Variants in FCHO1 observed in about 807,000 individuals in gnomAD.
FCHO1 encodes F-BAR domain only protein 1.
Under a neutral mutation model 114.4 loss-of-function variants are expected in FCHO1, and 45 were observed. The ratio of observed to expected loss-of-function variants is 0.39; its 90% CI spans 0.31 to 0.50. The LOEUF (loss-of-function observed/expected upper bound fraction) is 0.50, where lower values mean the gene tolerates loss of function less well. Ranked by LOEUF, FCHO1 falls within the 20% of genes least tolerant of loss-of-function variation. The pLI is 0.77. For synonymous variants in FCHO1, 480 were observed against 488.9 expected (o/e 0.98, Z 0.24); for missense variants, 1,042 against 1,209.6 (o/e 0.86, Z 2.06).
chr19:17,785,600 G>A (rs1436432360), intron 26 of FCHO1, among the ~76,000 whole-genome samples: 1 of 152,098 alleles, frequency 6.6e-6, no homozygotes, highest in Non-Finnish European at 1.5e-5. Flanking sequence ...TTGGGAGGCC[G>A]AGATGGGCAG....
Position 17,787,727 on chromosome 19 carries a change from G to A in FCHO1, c.2528G>A (p.Ser843Asn). The A allele has an allele frequency of 6.3e-7, 1 of 1,582,036 alleles. No individual in the cohort carries two copies. The highest frequency in any genetic ancestry group is 1.9e-5 in the Admixed American group (1 of 53,054). ...AGCTGGGAGCCGCTCTCAGGGCCCA[G>A]CACACCCAGCCCCGTGGCTGCACAG... is the stretch of plus-strand genomic sequence containing the variant. ...SASWEPLSGP[S>N]TPSPVAAQFT... Residue 843 changes from serine (S) to asparagine (N), a missense_variant, in exon 28 of 29, where the codon AGC becomes AAC. Ser to Asn is a conservative substitution (Grantham distance 46). Transcript: ENST00000596536.
At position 17,788,370 on chromosome 19, in the gene FCHO1, C is replaced by T; in HGVS notation, c.*64C>T. On this transcript the variant is annotated 3_prime_UTR_variant, in exon 29 of 29. Transcript: ENST00000596536. The stretch of plus-strand genomic sequence containing the variant: ...TGGTGCTGGCTGACCACCCCCTGCC[C>T]TCCTGCCGGACCCTGGGGCCTCCCA... The T allele has an allele frequency of 7.7e-7, 1 of 1,305,982 alleles. No homozygotes were observed. Among genetic ancestry groups the T allele is most frequent in the Non-Finnish European group, 1.1e-6 (1 of 912,200 alleles). The allele number at this position is 1,305,982 out of a possible 1,614,324, so 80.9% of individuals were successfully genotyped here.
At chr19:17,786,206 G>A (rs557951670) in intron 26 of FCHO1, among the ~76,000 whole-genome samples, 4 of 152,004 alleles carry the variant, frequency 2.6e-5, no homozygotes, top group South Asian at 4.2e-4. Flanking sequence ...GGTGGCGGGC[G>A]CCTGTAATCC....
intron 1 of FCHO1, among the ~76,000 whole-genome samples, chr19:17,752,736 CAA>C (rs760871627): frequency 1.8e-5 from 2 of 112,166 alleles, no homozygotes; most frequent in Non-Finnish European, 1.7e-5. Flanking sequence ...CTAGTCTCTA[CAA>C]AAAAAAAAAA....
chr19:17,778,040 A>G lies in FCHO1; in HGVS notation c.1260-97A>G, dbSNP rs1241477372. ...GCCGACAGAGCAAGACTCCGTCTCA[A>G]AAAAAAAAAAGACTGGGAACAGCAT... On this transcript the variant is annotated intron_variant, in intron 18 of 28. Transcript: ENST00000596536. 7.5e-6 allele frequency: 6 copies of G among 797,958 alleles called. No individual in the cohort carries two copies. In the Admixed American group the frequency reaches 1.5e-4, roughly 20 times the overall value. The allele number at this position is 797,958 out of a possible 1,614,324, so 49.4% of individuals were successfully genotyped here.
chr19:17,772,691 T>C lies in FCHO1; in HGVS notation c.740T>C (p.Met247Thr). The C allele has an allele frequency of 6.2e-7, 1 of 1,614,076 alleles. No homozygotes were observed. Among genetic ancestry groups the C allele is most frequent in the Non-Finnish European group, 8.5e-7 (1 of 1,180,018 alleles). The part of the protein sequence containing the change: ...KQNIENVSVE[M>T]LLRKFAESKG... Reference sequence around the variant, plus strand: ...AACATCGAGAACGTCAGCGTGGAGATGCTACTCAGGAAGTTTGCAGAGAGT... The same window carrying C: ...AACATCGAGAACGTCAGCGTGGAGACGCTACTCAGGAAGTTTGCAGAGAGT... The change falls in exon 11 of 29, where the codon ATG (methionine) becomes ACG (threonine). Residue 247 changes from methionine to threonine, a missense_variant. This residue lies in a region of FCHO1 where 450 missense variants were observed against 564.1 expected (regional missense o/e 0.80). Coordinates refer to ENST00000596536, the MANE Select transcript of FCHO1 (RefSeq NM_015122.3).
intron 4 of FCHO1, among the ~76,000 whole-genome samples, chr19:17,757,165 T>C (rs576311046): frequency 1.3e-4 from 18 of 138,266 alleles, no homozygotes; most frequent in African/African-American, 4.5e-4. Context: ...GCCTGGGTGA[T>C]GGAGTGAGAC....
At chr19:17,787,596 G>A in intron 27 of FCHO1, 86 bp from the exon 28 acceptor site, 1 of 1,420,964 alleles carries the variant, frequency 7.0e-7, no homozygotes, top group African/African-American at 1.4e-5. Flanking sequence ...AGAACAGAGG[G>A]CTTCAGGTGT....
chr19:17,788,465 C>A lies in FCHO1; in HGVS notation c.*159C>A. The A allele has an allele frequency of 1.7e-6, 1 of 598,584 alleles. No homozygotes were observed. The highest frequency in any genetic ancestry group is 2.1e-5 in the South Asian group (1 of 48,122). The allele number at this position is 598,584 out of a possible 1,614,324, so 37.1% of individuals were successfully genotyped here. A position where few individuals can be genotyped will look rare whatever the true frequency, so the allele number is the denominator to read the frequency against. On this transcript the variant is annotated 3_prime_UTR_variant, in exon 29 of 29. Transcript: ENST00000596536. ...GCCCAGCCTGGCTGAGCCCGAGATTCGCTCCTCCCCCTCATGCCAACCCCA... is the reference window on the plus strand; with the variant it reads ...GCCCAGCCTGGCTGAGCCCGAGATTAGCTCCTCCCCCTCATGCCAACCCCA...
chr19:17,768,689 G>T, intron 7 of FCHO1, among the ~76,000 whole-genome samples: 1 of 138,170 alleles, frequency 7.2e-6, no homozygotes, highest in African/African-American at 2.7e-5. Flanking sequence ...GTGAGACTCT[G>T]TCTCAAAAAC....
intron 6 of FCHO1, among the ~76,000 whole-genome samples, chr19:17,765,224 T>G: frequency 6.6e-6 from 1 of 152,078 alleles, no homozygotes; most frequent in East Asian, 1.9e-4. Flanking sequence ...GGCAAGTGGC[T>G]CAGCCAGTGC....
At chr19:17,757,140 C>T (rs941170598) in intron 4 of FCHO1, among the ~76,000 whole-genome samples, 2 of 148,976 alleles carry the variant, frequency 1.3e-5, no homozygotes, top group African/African-American at 2.5e-5. Flanking sequence ...AGTGAGATCG[C>T]GCCACTGCAC....
At position 17,776,834 on chromosome 19, in the gene FCHO1, C is replaced by G; in HGVS notation, c.1259+148C>G. 2.7e-6 allele frequency: 2 copies of G among 732,350 alleles called. No individual in the cohort carries two copies. Among genetic ancestry groups the G allele is most frequent in the Non-Finnish European group, 4.5e-6 (2 of 442,992 alleles). 45.4% of individuals were successfully genotyped at this position (732,350 alleles called of 1,614,324 possible). Reference sequence around the variant, plus strand: ...TTTTGTTTTTGTTTTGAGACAGAGTCTCACTCTGTCACCCAGGCTGGAGTG... The same window carrying G: ...TTTTGTTTTTGTTTTGAGACAGAGTGTCACTCTGTCACCCAGGCTGGAGTG... On this transcript the variant is annotated intron_variant, in intron 18 of 28. Coordinates refer to ENST00000596536, the MANE Select transcript of FCHO1 (RefSeq NM_015122.3). This position sits in a 1 kb window ranked among gnomAD's most constrained non-coding sequence, Gnocchi z 4.4.
rs370923050 is a variant in FCHO1 at position 17,775,935 on chromosome 19, G to A, written c.1004-48G>A. The A allele has an allele frequency of 5.0e-6, 8 of 1,587,484 alleles. No individual in the cohort carries two copies. The African/African-American group carries it at 6.7e-5, about 13-fold the overall frequency. Reference sequence around the variant, plus strand: ...ACGAGGCTGGATTGGAGAGCTGACTGGGGGAAAGCTTGTGTTGGGATTGGC... The same window carrying A: ...ACGAGGCTGGATTGGAGAGCTGACTAGGGGAAAGCTTGTGTTGGGATTGGC... On this transcript the variant is annotated intron_variant, in intron 15 of 28. Coordinates refer to ENST00000596536, the MANE Select transcript of FCHO1 (RefSeq NM_015122.3). The surrounding 1 kb of genome is among the most constrained non-coding windows in gnomAD (Gnocchi z 5.1).
rs1009894382 is a variant in FCHO1 at position 17,764,870 on chromosome 19, A to G, written c.194+421A>G. Among the ~76,000 whole-genome samples, 20 of 152,012 alleles carry G rather than the reference A, an allele frequency of 1.3e-4. No individual in the cohort carries two copies. In the East Asian group the frequency reaches 2.7e-3, roughly 21 times the overall value. ...CACCGGAGGTCAGGAGTTCAAGACC[A>G]GCCTGGGCAACATGGTGAAACTCCT... is the stretch of plus-strand genomic sequence containing the variant. On this transcript the variant is annotated intron_variant, in intron 6 of 28. Coordinates refer to ENST00000596536, the MANE Select transcript of FCHO1 (RefSeq NM_015122.3).
intron 7 of FCHO1, among the ~76,000 whole-genome samples, chr19:17,767,563 TAAAAAA>T (rs34862065): frequency 8.7e-6 from 1 of 114,328 alleles, no homozygotes; most frequent in African/African-American, 3.5e-5. Flanking sequence ...AAAGACTGTC[TAAAAAA>T]AAAAAAAAAA....
chr19:17,786,494 C>T, intron 26 of FCHO1, 80 bp from the exon 27 acceptor site: 2 of 1,457,306 alleles, frequency 1.4e-6, no homozygotes, highest in Non-Finnish European at 1.9e-6. Flanking sequence ...GGTCACACAG[C>T]CAGGAGGCAG....
In FCHO1 at chr19:17,775,431, C is replaced by T; in HGVS notation, c.946-25C>T. On this transcript the variant is annotated intron_variant, in intron 14 of 28. Transcript: ENST00000596536. The surrounding 1 kb of genome is among the most constrained non-coding windows in gnomAD (Gnocchi z 5.1). Reference sequence around the variant, plus strand: ...AGGTTCGATAGTGGGGCGCCTGACTCACTGCTGCCCCCTGACTCCCCTAGA... The same window carrying T: ...AGGTTCGATAGTGGGGCGCCTGACTTACTGCTGCCCCCTGACTCCCCTAGA... 6.2e-7 allele frequency: 1 copy of T among 1,609,914 alleles called. No homozygotes were observed. Among genetic ancestry groups the T allele is most frequent in the South Asian group, 1.1e-5 (1 of 91,006 alleles).
rs113669358 is a variant in FCHO1, at chr19:17,775,411, C to T, written c.946-45C>T. ...GGTTGGCAGGGTGAGATGGAAGGTT[C>T]GATAGTGGGGCGCCTGACTCACTGC... On this transcript the variant is annotated intron_variant, in intron 14 of 28. Transcript: ENST00000596536. The surrounding 1 kb of genome is among the most constrained non-coding windows in gnomAD (Gnocchi z 5.1). 56 of 1,586,972 alleles carry T rather than the reference C, an allele frequency of 3.5e-5. No individual in the cohort carries two copies. The highest frequency in any genetic ancestry group is 2.2e-4 in the African/African-American group (16 of 74,302).
Sources: allele counts gnomAD v4.1 joint callset (sites outside exome capture counted in the v4.1 genomes callset), GRCh38; gene constraint gnomAD v4.1.1; regional missense constraint gnomAD v4.1.1; non-coding constraint Gnocchi (gnomAD v3.1); transcripts MANE v1.5; gene names NCBI Gene and HGNC (gene_info 2026-07-23, HGNC 2026-07-21).